STAG1: variants seen among roughly 807,000 people sequenced by gnomAD.
STAG1 encodes cohesin subunit SA-1.
In STAG1, 26 loss-of-function variants were observed where a neutral mutation model predicts 170.9. The observed-to-expected ratio is 0.15, with a 90% confidence interval of 0.11 to 0.21. The LOEUF (loss-of-function observed/expected upper bound fraction) is 0.21. Ranked by LOEUF, STAG1 falls within the 10% of genes least tolerant of loss-of-function variation. The probability of loss-of-function intolerance (pLI) is 1.00; values close to 1 mark genes in which losing one functional copy is unlikely to be tolerated. For synonymous variants in STAG1, 514 were observed against 497.7 expected (o/e 1.03, Z -0.44); for missense variants, 964 against 1,509.5 (o/e 0.64, Z 5.99).
At chr3:136,636,636 T>C (rs1576697189) in intron 1 of STAG1, among the ~76,000 whole-genome samples, 1 of 152,312 alleles carries the variant, frequency 6.6e-6, no homozygotes, top group Non-Finnish European at 1.5e-5. Flanking sequence ...ATAGGCTAAC[T>C]GATATAAACA....
intron 9 of STAG1, among the ~76,000 whole-genome samples, chr3:136,488,987 C>CA (rs1427840719): frequency 6.6e-6 from 1 of 151,676 alleles, no homozygotes; most frequent in African/African-American, 2.4e-5. Context: ...GCAGGGGGTG[C>CA]AAAAAATAGT....
chr3:136,547,494 GC>G (rs748021573), intron 5 of STAG1, among the ~76,000 whole-genome samples: 2 of 152,030 alleles, frequency 1.3e-5, no homozygotes, highest in African/African-American at 2.4e-5. Flanking sequence ...CCCACTTCCT[GC>G]TTCCCCCTCC....
At chr3:136,450,292 C>T (rs1415018065) in intron 14 of STAG1, among the ~76,000 whole-genome samples, 1 of 152,156 alleles carries the variant, frequency 6.6e-6, no homozygotes, top group Non-Finnish European at 1.5e-5. Flanking sequence ...TGCAGAATCT[C>T]AGGCCCCATT....
At chr3:136,391,258 C>T (rs2108327813) in intron 22 of STAG1, among the ~76,000 whole-genome samples, 1 of 149,424 alleles carries the variant, frequency 6.7e-6, no homozygotes, top group East Asian at 2.0e-4. Flanking sequence ...GAGAGTAGCA[C>T]AAATATAAGA....
At chr3:136,509,724 A>C (rs9820485) in intron 7 of STAG1, among the ~76,000 whole-genome samples, 7,175 of 152,330 alleles carry the variant, frequency 0.047, 206 homozygotes, top group East Asian at 0.13. Context: ...AGAGTTCATC[A>C]GGAAATGGGA....
chr3:136,708,518 T>C (rs984601967), intron 1 of STAG1, among the ~76,000 whole-genome samples: 6 of 152,138 alleles, frequency 3.9e-5, no homozygotes, highest in African/African-American at 1.4e-4. Context: ...TCTTTTGGTA[T>C]AATGAAAACA....
intron 2 of STAG1, among the ~76,000 whole-genome samples, chr3:136,626,703 A>G (rs1300159092): frequency 6.6e-6 from 1 of 152,188 alleles, no homozygotes; most frequent in Non-Finnish European, 1.5e-5. Flanking sequence ...TACAATCCAA[A>G]TAGGCCATGT....
chr3:136,402,983 T>G (rs578247279), intron 21 of STAG1, among the ~76,000 whole-genome samples: 2 of 151,394 alleles, frequency 1.3e-5, no homozygotes, highest in African/African-American at 4.8e-5. Context: ...ATCCCAGCAC[T>G]TTGGGAGGCC....
intron 20 of STAG1, 66 bp downstream of exon 20, chr3:136,421,027 T>G (rs1388889747): frequency 1.1e-6 from 1 of 951,930 alleles, no homozygotes; most frequent in African/African-American, 1.7e-5. Flanking sequence ...CATCTCGGCC[T>G]CTCAAAGTGT....
At chr3:136,697,282 T>C (rs1942925393) in intron 1 of STAG1, among the ~76,000 whole-genome samples, 1 of 152,192 alleles carries the variant, frequency 6.6e-6, no homozygotes, top group Non-Finnish European at 1.5e-5. Flanking sequence ...ATTAAGCAGG[T>C]AGTTCCCAAT....
At chr3:136,711,917 A>G (rs1352996577) in intron 1 of STAG1, among the ~76,000 whole-genome samples, 1 of 152,224 alleles carries the variant, frequency 6.6e-6, no homozygotes, top group East Asian at 1.9e-4. Flanking sequence ...GATGTGAATA[A>G]CTCCATTACC....
chr3:136,707,979 T>C (rs909149482), intron 1 of STAG1, among the ~76,000 whole-genome samples: 1 of 151,970 alleles, frequency 6.6e-6, no homozygotes, highest in Non-Finnish European at 1.5e-5. Context: ...TATATTTTTT[T>C]AAAAAAAAGG....
At chr3:136,415,977 C>T (rs1453789629) in intron 21 of STAG1, among the ~76,000 whole-genome samples, 2 of 151,962 alleles carry the variant, frequency 1.3e-5, no homozygotes, top group Admixed American at 6.6e-5. Context: ...GTTAAAAATA[C>T]GTGTTCAAGA....
chr3:136,564,963 GAGGAAGGAAGGAAGGA>G (rs546552313), intron 5 of STAG1, among the ~76,000 whole-genome samples: 30 of 37,750 alleles, frequency 7.9e-4, no homozygotes, highest in African/African-American at 1.2e-3. Context: ...ACATGTGTAT[GAGGAAGGAAGGAAGGA>G]AGGAAGGAAG....
chr3:136,702,584 C>T (rs1943115751), intron 1 of STAG1, among the ~76,000 whole-genome samples: 1 of 151,988 alleles, frequency 6.6e-6, no homozygotes, highest in Non-Finnish European at 1.5e-5. Context: ...TGGGTTTTCA[C>T]CATGTCGGCC....
intron 1 of STAG1, among the ~76,000 whole-genome samples, chr3:136,656,813 A>G (rs919205807): frequency 6.6e-6 from 1 of 152,132 alleles, no homozygotes; most frequent in Non-Finnish European, 1.5e-5. Flanking sequence ...ATTTAAAGTA[A>G]TTTACACGTC....
intron 23 of STAG1, among the ~76,000 whole-genome samples, chr3:136,372,357 C>T (rs981117990): frequency 3.9e-5 from 6 of 152,156 alleles, no homozygotes; most frequent in East Asian, 1.9e-4. Flanking sequence ...TCCTGCCTGA[C>T]TGCCCGGACC....
Position 136,463,120 on chromosome 3 carries a change from T to A in STAG1, c.1313+1761A>T, listed in dbSNP as rs181756545. Reference sequence around the variant, plus strand: ...CCAAAGATAAATATAAAATCAGCATTATTCTACTAGCCAGAGCTGTCAGAG... The same window carrying A: ...CCAAAGATAAATATAAAATCAGCATAATTCTACTAGCCAGAGCTGTCAGAG... On this transcript the variant is annotated intron_variant, in intron 13 of 33. Transcript: ENST00000383202. 9.4e-3 allele frequency among the ~76,000 whole-genome samples: 1,426 copies of A among 152,280 alleles called. 8 individuals are homozygous for A. The highest frequency in any genetic ancestry group is 0.02 in the Middle Eastern group (6 of 294).
chr3:136,412,064 AC>A (rs2087639714), intron 21 of STAG1, among the ~76,000 whole-genome samples: 1 of 152,174 alleles, frequency 6.6e-6, no homozygotes, highest in Non-Finnish European at 1.5e-5. Context: ...GTACATAGGA[AC>A]TGGATTGAAA....
Sources: allele counts gnomAD v4.1 joint callset (sites outside exome capture counted in the v4.1 genomes callset), GRCh38; gene constraint gnomAD v4.1.1; transcripts MANE v1.5; gene names NCBI Gene and HGNC (gene_info 2026-07-23, HGNC 2026-07-21).